LINGO2: variants seen among roughly 807,000 people sequenced by gnomAD.
LINGO2 encodes the protein leucine rich repeat and Ig domain containing 2, also known as leucine-rich repeat and immunoglobulin-like domain-containing nogo receptor-interacting protein 2.
A neutral mutation model predicts 30.6 loss-of-function variants in LINGO2; 14 were observed. That is an observed-to-expected ratio of 0.46 (90% CI 0.30 to 0.72). The LOEUF is 0.72. Ranked by LOEUF, LINGO2 falls within the 30% of genes least tolerant of loss-of-function variation. The pLI, the probability that LINGO2 is intolerant of heterozygous loss-of-function variation, is 0.07. For synonymous variants in LINGO2, 317 were observed against 288.5 expected, an observed-to-expected ratio of 1.10 and a Z score of -1.00; for missense variants, 729 against 751.7, an observed-to-expected ratio of 0.97 and a Z score of 0.35.
the LINGO2 span, among the ~76,000 whole-genome samples, chr9:28,920,466 T>C: frequency 1.3e-5 from 2 of 152,280 alleles, no homozygotes; most frequent in East Asian, 3.9e-4. Flanking sequence ...TTCATTTTTA[T>C]TAGGAAATAA....
In LINGO2 at chr9:28,410,943, A is replaced by G. The variant is rs929354281; in HGVS notation, c.-278-38075T>C. Among the ~76,000 whole-genome samples, 4 of 152,116 alleles carry G rather than the reference A, an allele frequency of 2.6e-5. No homozygotes were observed. In the South Asian group the frequency reaches 8.3e-4, roughly 32 times the overall value. ...AAAAAAAAGGTCTGGTTCCTTACCA[A>G]TTGCTTTCCCCTCAGTGTCAACATG... On this transcript the variant is annotated intron_variant, in intron 2 of 5. Coordinates refer to ENST00000379992, the Ensembl canonical transcript of LINGO2.
In LINGO2 at chr9:28,666,855, A is replaced by C. The variant is rs372507407; in HGVS notation, c.-365+3345T>G. Among the ~76,000 whole-genome samples the C allele has an allele frequency of 5.6e-3, 860 of 152,330 alleles. 8 individuals carry two copies. The highest frequency in any genetic ancestry group is 0.041 in the South Asian group (197 of 4,820). ...ATAAAACTAATGCATGTTTAAGCAC[A>C]GTACATAGTTGGCTTCAGGTTCATA... On this transcript the variant is annotated intron_variant, in intron 1 of 5. Coordinates refer to ENST00000379992, the Ensembl canonical transcript of LINGO2.
chr9:28,557,339 C>T (rs1245468886), intron 1 of LINGO2, among the ~76,000 whole-genome samples: 2 of 152,104 alleles, frequency 1.3e-5, no homozygotes, highest in South Asian at 4.2e-4. Flanking sequence ...GGGCAAAGGA[C>T]ATGAACAGAC....
chr9:28,542,215 A>G (rs1821730573), intron 1 of LINGO2, among the ~76,000 whole-genome samples: 1 of 151,496 alleles, frequency 6.6e-6, no homozygotes, highest in Non-Finnish European at 1.5e-5. Context: ...CTCACTTATC[A>G]GGTGCTGGAT....
chr9:28,980,847 A>G, the LINGO2 span, among the ~76,000 whole-genome samples: 89 of 152,102 alleles, frequency 5.9e-4, no homozygotes, highest in Non-Finnish European at 1.1e-3. Context: ...CCCCTACCCT[A>G]TATGAAGAAT....
At chr9:28,895,075 C>T in the LINGO2 span, among the ~76,000 whole-genome samples, 6 of 152,074 alleles carry the variant, frequency 3.9e-5, no homozygotes, top group Admixed American at 2.6e-4. Flanking sequence ...TCTATTGCTG[C>T]ACCTGTCCCA....
intron 1 of LINGO2, among the ~76,000 whole-genome samples, chr9:28,644,921 A>G (rs924920791): frequency 6.6e-6 from 1 of 152,106 alleles, no homozygotes; most frequent in Non-Finnish European, 1.5e-5. Context: ...CTGATCCTTT[A>G]AAAAGTAGAG....
At chr9:27,939,652 G>T in the LINGO2 span, 1 of 152,220 alleles carries the variant, frequency 6.6e-6, no homozygotes, top group Non-Finnish European at 1.5e-5. Context: ...TTGAAGAAGT[G>T]TTTAACTTTT....
chr9:28,594,706 G>A (rs1242438006), intron 1 of LINGO2, among the ~76,000 whole-genome samples: 3 of 152,016 alleles, frequency 2.0e-5, no homozygotes, highest in Non-Finnish European at 2.9e-5. Flanking sequence ...AAGAGAGATC[G>A]CAATATGAAA....
chr9:28,420,612 G>A (rs1054784756), intron 2 of LINGO2, among the ~76,000 whole-genome samples: 3 of 152,054 alleles, frequency 2.0e-5, no homozygotes, highest in Non-Finnish European at 4.4e-5. Context: ...GGAGGGGCCA[G>A]GGATTTCTGT....
chr9:28,357,327 C>CAAA (rs1554710539), intron 3 of LINGO2, among the ~76,000 whole-genome samples: 2 of 139,610 alleles, frequency 1.4e-5, no homozygotes, highest in Non-Finnish European at 3.1e-5. Flanking sequence ...CCACCCCCCC[C>CAAA]AAAAAAGAAA....
rs536367142 is a variant in LINGO2, at chr9:28,396,768, A to G, written c.-278-23900T>C. 4.7e-5 allele frequency among the ~76,000 whole-genome samples: 3 copies of G among 64,134 alleles called. No homozygotes were observed. In the South Asian group the frequency reaches 1.4e-3, roughly 29 times the overall value. The allele number at this position is 64,134 out of a possible 152,430, so 42.1% of individuals were successfully genotyped here. ...ATCCATGCAGTTATCTGGGAGAACA[A>G]TATTTCAGGCAGACAGATCAACAAG... On this transcript the variant is annotated intron_variant, in intron 2 of 5. Transcript: ENST00000379992.
chr9:29,000,729 T>C, the LINGO2 span, among the ~76,000 whole-genome samples: 1 of 152,030 alleles, frequency 6.6e-6, no homozygotes, highest in African/African-American at 2.4e-5. Flanking sequence ...TCTCTACAGA[T>C]ACTTTGTTCT....
At chr9:28,277,914 G>A (rs2134115153) in intron 4 of LINGO2, among the ~76,000 whole-genome samples, 1 of 151,740 alleles carries the variant, frequency 6.6e-6, no homozygotes, top group Middle Eastern at 3.5e-3. Context: ...GTCCAGACGG[G>A]CTGAAAGCTG....
At chr9:28,797,359 TAGAGAGAGAG>T in the LINGO2 span, among the ~76,000 whole-genome samples, 39 of 34,214 alleles carry the variant, frequency 1.1e-3, no homozygotes, top group African/African-American at 3.3e-3. Flanking sequence ...TATATATATA[TAGAGAGAGAG>T]AGAGAGAGAG....
chr9:28,612,501 T>A (rs1220251423), intron 1 of LINGO2, among the ~76,000 whole-genome samples: 1 of 152,024 alleles, frequency 6.6e-6, no homozygotes, highest in African/African-American at 2.4e-5. Context: ...GCTGTGGGAG[T>A]GAGACATGGA....
intron 3 of LINGO2, among the ~76,000 whole-genome samples, chr9:28,334,058 T>A (rs1046790470): frequency 6.6e-6 from 1 of 152,200 alleles, no homozygotes; most frequent in Non-Finnish European, 1.5e-5. Flanking sequence ...CCCCTTGTGC[T>A]GCAGTTTGCT....
intron 3 of LINGO2, among the ~76,000 whole-genome samples, chr9:28,327,521 C>T (rs1587473612): frequency 6.6e-6 from 1 of 152,292 alleles, no homozygotes; most frequent in South Asian, 2.1e-4. Context: ...GCAGTTCTCC[C>T]TTAGGGGGAG....
the LINGO2 span, among the ~76,000 whole-genome samples, chr9:28,927,727 C>G: frequency 6.6e-6 from 1 of 152,190 alleles, no homozygotes; most frequent in Non-Finnish European, 1.5e-5. Flanking sequence ...CTGCTTAATG[C>G]TTGCTTAGTG....
Sources: gnomAD v4.1 joint callset for allele counts (sites outside exome capture counted in the v4.1 genomes callset) on GRCh38, gnomAD v4.1.1 for gene constraint, MANE v1.5 for transcripts, NCBI Gene and HGNC (gene_info 2026-07-23, HGNC 2026-07-21) for gene names.